Variants in INPP4B observed in about 807,000 individuals in gnomAD.
INPP4B encodes the protein inositol polyphosphate 4-phosphatase type II.
INPP4B carries 55 observed loss-of-function variants against 122.5 expected under a neutral mutation model. That is an observed-to-expected ratio of 0.45 (90% CI 0.36 to 0.56). INPP4B has a LOEUF of 0.56. Among genes scored for constraint, INPP4B ranks in the 20% least tolerant of loss-of-function variants. INPP4B has a pLI of 0.00. For missense variants in INPP4B, 1,000 were observed against 1,097.7 expected (o/e 0.91, Z 1.26); for synonymous variants, 403 against 388.7 (o/e 1.04, Z -0.43).
intron 18 of INPP4B, among the ~76,000 whole-genome samples, chr4:142,142,194 G>A (rs1808213266): frequency 1.3e-5 from 2 of 152,000 alleles, no homozygotes; most frequent in African/African-American, 4.8e-5. Context: ...CTTGGGCTGG[G>A]ATAAATTTGG....
At chr4:142,675,934 T>TA (rs1283813942) in intron 2 of INPP4B, among the ~76,000 whole-genome samples, 3 of 152,030 alleles carry the variant, frequency 2.0e-5, no homozygotes, top group Admixed American at 6.6e-5. Context: ...TGAAAACTGG[T>TA]ACAAGACAAG....
chr4:142,325,061 G>C (rs564105465), intron 7 of INPP4B, among the ~76,000 whole-genome samples: 1 of 152,278 alleles, frequency 6.6e-6, no homozygotes, highest in African/African-American at 2.4e-5. Flanking sequence ...GGTTCTCCTT[G>C]CTCTGGAAAT....
intron 2 of INPP4B, among the ~76,000 whole-genome samples, chr4:142,635,958 T>C (rs949296605): frequency 6.6e-6 from 1 of 152,170 alleles, no homozygotes; most frequent in Non-Finnish European, 1.5e-5. Context: ...TTTTCGGTGA[T>C]ATGTGTCCCC....
intron 2 of INPP4B, among the ~76,000 whole-genome samples, chr4:142,603,602 G>T (rs1177544826): frequency 6.6e-6 from 1 of 151,654 alleles, no homozygotes; most frequent in Non-Finnish European, 1.5e-5. Flanking sequence ...AGAACAAACT[G>T]GAAAACCTAG....
Position 142,079,704 on chromosome 4 carries a change from A to G in INPP4B, c.2642+2327T>C, listed in dbSNP as rs143428230. On this transcript the variant is annotated intron_variant, in intron 25 of 25. Transcript: ENST00000262992. The stretch of plus-strand genomic sequence containing the variant: ...ATAAAAAACCTATTCAGGGATTGTG[A>G]TGCTTCCATAATTAACACAGCATTT... Among the ~76,000 whole-genome samples, 64 of 152,208 alleles carry G rather than the reference A, an allele frequency of 4.2e-4. No individual in the cohort carries two copies. The East Asian group carries it at 0.012, about 28-fold the overall frequency.
At chr4:142,080,951 G>T (rs1280005536) in intron 25 of INPP4B, among the ~76,000 whole-genome samples, 2 of 152,086 alleles carry the variant, frequency 1.3e-5, no homozygotes, top group African/African-American at 4.8e-5. Context: ...TGTTGTATAT[G>T]GCTGAGATGT....
At chr4:142,362,189 C>G (rs1561932458) in intron 7 of INPP4B, among the ~76,000 whole-genome samples, 1 of 152,012 alleles carries the variant, frequency 6.6e-6, no homozygotes, top group Non-Finnish European at 1.5e-5. Flanking sequence ...CAACTCAGCT[C>G]AGCTGGAGAA....
At chr4:142,265,723 T>C (rs1311781390) in intron 10 of INPP4B, among the ~76,000 whole-genome samples, 1 of 152,204 alleles carries the variant, frequency 6.6e-6, no homozygotes, top group East Asian at 1.9e-4. Flanking sequence ...AAATGTTTGA[T>C]GTGTTTACCA....
intron 2 of INPP4B, among the ~76,000 whole-genome samples, chr4:142,565,602 G>A (rs1731457756): frequency 6.6e-6 from 1 of 152,312 alleles, no homozygotes; most frequent in Non-Finnish European, 1.5e-5. Flanking sequence ...CACAGTAATA[G>A]TTGTTTCAGG....
chr4:142,675,602 A>C (rs2150655790), intron 2 of INPP4B, among the ~76,000 whole-genome samples: 1 of 152,288 alleles, frequency 6.6e-6, no homozygotes, highest in South Asian at 2.1e-4. Flanking sequence ...TCCTCAATAA[A>C]ATGCTGTCAA....
chr4:142,205,912 T>C (rs1240927292), intron 14 of INPP4B, among the ~76,000 whole-genome samples: 1 of 152,104 alleles, frequency 6.6e-6, no homozygotes, highest in Non-Finnish European at 1.5e-5. Flanking sequence ...TGACAGACAC[T>C]CAGTAATCAA....
At chr4:142,290,555 C>T (rs531439021) in intron 9 of INPP4B, among the ~76,000 whole-genome samples, 2 of 152,238 alleles carry the variant, frequency 1.3e-5, no homozygotes, top group African/African-American at 4.8e-5. Context: ...CAACTCTTGC[C>T]TCATTGGACT....
At chr4:142,717,890 A>G (rs1423951750) in intron 2 of INPP4B, among the ~76,000 whole-genome samples, 1 of 150,922 alleles carries the variant, frequency 6.6e-6, no homozygotes, top group East Asian at 1.9e-4. Context: ...AACATATAAT[A>G]ATAAGAAAAA....
chr4:142,052,505 C>T (rs1190611067), intron 25 of INPP4B, among the ~76,000 whole-genome samples: 1 of 150,860 alleles, frequency 6.6e-6, no homozygotes, highest in African/African-American at 2.5e-5. Flanking sequence ...TTTGGAAACA[C>T]TTACAGACAT....
intron 23 of INPP4B, among the ~76,000 whole-genome samples, chr4:142,101,109 G>T (rs1362917513): frequency 6.6e-6 from 1 of 152,040 alleles, no homozygotes; most frequent in Non-Finnish European, 1.5e-5. Flanking sequence ...AGGATATAGG[G>T]CTCTGAAAAG....
At chr4:142,764,099 C>T (rs1022784873) in intron 1 of INPP4B, among the ~76,000 whole-genome samples, 8 of 152,048 alleles carry the variant, frequency 5.3e-5, no homozygotes, top group African/African-American at 1.9e-4. Context: ...CAAAAAGTTT[C>T]ATCACATCCT....
intron 15 of INPP4B, among the ~76,000 whole-genome samples, chr4:142,175,952 T>A (rs3104276): frequency 6.6e-6 from 1 of 151,892 alleles, no homozygotes; most frequent in South Asian, 2.1e-4. Context: ...TGTGGTCACT[T>A]CTATGTGATC....
At chr4:142,419,497 G>A (rs889475181) in intron 5 of INPP4B, among the ~76,000 whole-genome samples, 4 of 152,044 alleles carry the variant, frequency 2.6e-5, no homozygotes, top group Non-Finnish European at 5.9e-5. Flanking sequence ...CTTTGTCACT[G>A]GTAGAGCTGA....
chr4:142,075,926 T>C (rs1561033051), intron 25 of INPP4B, among the ~76,000 whole-genome samples: 2 of 152,130 alleles, frequency 1.3e-5, no homozygotes, highest in Non-Finnish European at 2.9e-5. Flanking sequence ...GTTAAATGTA[T>C]TTGTTTCAAT....
Sources: gnomAD v4.1 joint callset for allele counts (sites outside exome capture counted in the v4.1 genomes callset) on GRCh38, gnomAD v4.1.1 for gene constraint, MANE v1.5 for transcripts, NCBI Gene and HGNC (gene_info 2026-07-23, HGNC 2026-07-21) for gene names.